The following RIMBP2 variants were observed in gnomAD, a reference collection of about 807,000 sequenced individuals.
RIMBP2 encodes the protein RIMS-binding protein 2.
In RIMBP2, 48 loss-of-function variants were observed where a neutral mutation model predicts 118.6. That is an observed-to-expected ratio of 0.40 (90% CI 0.32 to 0.51). The LOEUF is 0.51. RIMBP2 is among the 20% of genes least tolerant of loss of function. RIMBP2 has a pLI of 0.41. For missense variants in RIMBP2, 1,551 were observed against 1,768.3 expected, an observed-to-expected ratio of 0.88 and a Z score of 2.20; for synonymous variants, 762 against 742.9, an observed-to-expected ratio of 1.03 and a Z score of -0.42.
intron 19 of RIMBP2, 121 bp from the exon 20 acceptor site, chr12:130,407,950 C>T (rs1354850734): frequency 1.2e-6 from 1 of 828,860 alleles, no homozygotes; most frequent in South Asian, 1.4e-5. Flanking sequence ...CTAACAGGGC[C>T]ACGTGCTCCT....
At chr12:130,417,864 T>G (rs1015437638) in intron 17 of RIMBP2, among the ~76,000 whole-genome samples, 18 of 151,298 alleles carry the variant, frequency 1.2e-4, no homozygotes, top group African/African-American at 4.4e-4. Flanking sequence ...GGAGAGAGAA[T>G]GGGAGGGGAG....
In RIMBP2 at chr12:130,451,313, G is replaced by C. The variant is rs2078992638; in HGVS notation, c.386C>G (p.Ser129Cys). Residue 129 changes from serine to cysteine, a missense_variant, in exon 8 of 23, where the codon TCT (serine) becomes TGT (cysteine). Physicochemically the swap from Ser to Cys is moderately radical, Grantham distance 112. Around this residue, in one of 5 missense-constraint regions of RIMBP2, gnomAD observed 239 missense variants for 256.8 expected, o/e 0.93. Coordinates refer to ENST00000690449, the MANE Select transcript of RIMBP2 (RefSeq NM_001393629.1). The stretch of plus-strand genomic sequence containing the variant: ...GGGCCGGATATATTCACCGATCGCA[G>C]AGCTGCCTCCAATAGCGCTCTCCTG... ...KGQESAIGGS[S>C]AIGEYIRPLP... 1 of 1,613,776 alleles carries C rather than the reference G, an allele frequency of 6.2e-7. No homozygotes were observed. Among genetic ancestry groups the C allele is most frequent in the Non-Finnish European group, 8.5e-7 (1 of 1,179,814 alleles).
rs111908319 is a variant in RIMBP2, at chr12:130,454,425, G to C, written c.358+2071C>G. 7.2e-3 allele frequency among the ~76,000 whole-genome samples: 1,102 copies of C among 152,352 alleles called. 12 individuals are homozygous for C. The highest frequency in any genetic ancestry group is 0.024 in the African/African-American group (999 of 41,582). On this transcript the variant is annotated intron_variant, in intron 7 of 22. Coordinates refer to ENST00000690449, the MANE Select transcript of RIMBP2 (RefSeq NM_001393629.1). ...CAGGGAGGAGTGTCCTGGTGGGATC[G>C]GGGTGCTGTGGGGCAGCTCTCTGGA...
At chr12:130,501,306 C>T (rs1235803471) in intron 4 of RIMBP2, among the ~76,000 whole-genome samples, 1 of 152,124 alleles carries the variant, frequency 6.6e-6, no homozygotes, top group African/African-American at 2.4e-5. Flanking sequence ...TCTGTGCGGC[C>T]ACTGGAGTGA....
chr12:130,513,251 A>G (rs4759707), intron 3 of RIMBP2, among the ~76,000 whole-genome samples: 27,341 of 152,086 alleles, frequency 0.18, 2,916 homozygotes, highest in South Asian at 0.3. Flanking sequence ...CTCACCACAC[A>G]CAAACACAAC....
intron 6 of RIMBP2, among the ~76,000 whole-genome samples, chr12:130,467,936 G>A (rs2080645242): frequency 6.6e-6 from 1 of 152,202 alleles, no homozygotes; most frequent in Non-Finnish European, 1.5e-5. Flanking sequence ...GTGTGCTCAG[G>A]CATTTTATGT....
intron 1 of RIMBP2, among the ~76,000 whole-genome samples, chr12:130,696,073 C>T (rs1359360649): frequency 2.0e-5 from 3 of 152,162 alleles, no homozygotes; most frequent in Non-Finnish European, 2.9e-5. Flanking sequence ...AACTGATCAC[C>T]TACTAAATTC....
At chr12:130,605,829 C>A (rs919532689) in intron 2 of RIMBP2, among the ~76,000 whole-genome samples, 2 of 152,064 alleles carry the variant, frequency 1.3e-5, no homozygotes, top group African/African-American at 4.8e-5. Context: ...TTTGGGAGGC[C>A]GAGGTGGGCA....
intron 5 of RIMBP2, among the ~76,000 whole-genome samples, chr12:130,476,549 C>A (rs919975627): frequency 6.6e-6 from 1 of 152,222 alleles, no homozygotes; most frequent in Non-Finnish European, 1.5e-5. Flanking sequence ...AGCTACCCGG[C>A]CTTCTTCCTC....
chr12:130,562,527 A>G (rs1164979531), intron 2 of RIMBP2, among the ~76,000 whole-genome samples: 2 of 152,202 alleles, frequency 1.3e-5, no homozygotes, highest in African/African-American at 4.8e-5. Flanking sequence ...CAAGGGAAGG[A>G]AGTACAGGAG....
At chr12:130,474,385 A>G (rs929439005) in intron 5 of RIMBP2, among the ~76,000 whole-genome samples, 5 of 152,126 alleles carry the variant, frequency 3.3e-5, no homozygotes, top group African/African-American at 1.2e-4. Flanking sequence ...TCACATCTCC[A>G]ATTCCTTCTG....
chr12:130,422,434 C>T lies in RIMBP2; in HGVS notation c.3238+19G>A, dbSNP rs577868602. The T allele has an allele frequency of 1.9e-5, 30 of 1,553,956 alleles. No individual in the cohort carries two copies. The highest frequency in any genetic ancestry group is 1.2e-4 in the South Asian group (11 of 88,832). ...GCTCCGCGGCTGAAAGACACAACAG[C>T]GATGATGGGGCCACTAACCGATGGA... On this transcript the variant is annotated intron_variant, in intron 17 of 22. Transcript: ENST00000690449. The surrounding 1 kb of genome is among the most constrained non-coding windows in gnomAD (Gnocchi z 5.2).
intron 1 of RIMBP2, chr12:130,633,769 G>C (rs1303766856): frequency 6.6e-6 from 1 of 152,140 alleles, no homozygotes; most frequent in Non-Finnish European, 1.5e-5. Flanking sequence ...ATTAACCCAC[G>C]GGGCTCTTTC....
At chr12:130,705,372 C>A (rs2066055634) in intron 1 of RIMBP2, among the ~76,000 whole-genome samples, 1 of 152,176 alleles carries the variant, frequency 6.6e-6, no homozygotes, top group South Asian at 2.1e-4. Context: ...CTGGCTGCCG[C>A]ACCACCGCCC....
chr12:130,423,209 A>C (rs2076524668), intron 16 of RIMBP2, among the ~76,000 whole-genome samples: 1 of 152,202 alleles, frequency 6.6e-6, no homozygotes, highest in Admixed American at 6.5e-5. Context: ...TCTTGCTAGT[A>C]AGTAAATGGA....
intron 7 of RIMBP2, among the ~76,000 whole-genome samples, chr12:130,453,969 G>A (rs371968432): frequency 3.9e-5 from 6 of 152,220 alleles, no homozygotes; most frequent in African/African-American, 7.2e-5. Flanking sequence ...CAGGAGAATC[G>A]CTTGAACCTG....
At chr12:130,633,572 T>C (rs1056863988) in intron 1 of RIMBP2, among the ~76,000 whole-genome samples, 4 of 152,136 alleles carry the variant, frequency 2.6e-5, no homozygotes, top group African/African-American at 7.2e-5. Flanking sequence ...TGGAACAGCA[T>C]ACCCACAGGG....
At chr12:130,685,638 A>T (rs1364412393) in intron 1 of RIMBP2, among the ~76,000 whole-genome samples, 2 of 152,104 alleles carry the variant, frequency 1.3e-5, no homozygotes, top group Admixed American at 1.3e-4. Flanking sequence ...GCAATGCTGG[A>T]GTCACTGGGC....
chr12:130,509,683 C>A (rs986571613), intron 3 of RIMBP2, among the ~76,000 whole-genome samples: 16 of 152,184 alleles, frequency 1.1e-4, no homozygotes, highest in African/African-American at 3.9e-4. Flanking sequence ...CTGCTGGTCT[C>A]AGACTCCCAA....
Sources: allele counts gnomAD v4.1 joint callset (sites outside exome capture counted in the v4.1 genomes callset), GRCh38; gene constraint gnomAD v4.1.1; regional missense constraint gnomAD v4.1.1; non-coding constraint Gnocchi (gnomAD v3.1); transcripts MANE v1.5; gene names NCBI Gene and HGNC (gene_info 2026-07-23, HGNC 2026-07-21).